EYS: variants seen among roughly 807,000 people sequenced by gnomAD.
EYS encodes the protein protein eyes shut homolog.
Under a neutral mutation model 282.1 loss-of-function variants are expected in EYS, and 250 were observed. That is an observed-to-expected ratio of 0.89 (90% CI 0.80 to 0.98). The LOEUF (loss-of-function observed/expected upper bound fraction) is 0.98, where lower values mean the gene tolerates loss of function less well. EYS is among the 50% of genes least tolerant of loss of function. The pLI is 0.00. For synonymous variants in EYS, 1,355 were observed against 1,282.9 expected, an observed-to-expected ratio of 1.06 and a Z score of -1.20; for missense variants, 4,016 against 3,709.0, an observed-to-expected ratio of 1.08 and a Z score of -2.15.
intron 31 of EYS, among the ~76,000 whole-genome samples, chr6:64,144,419 C>T (rs879660312): frequency 6.6e-6 from 1 of 152,104 alleles, no homozygotes; most frequent in Non-Finnish European, 1.5e-5. Flanking sequence ...CTTCAATAAT[C>T]TTTCTGTGTG....
At chr6:65,561,309 T>G (rs1012685356) in intron 2 of EYS, among the ~76,000 whole-genome samples, 3 of 152,180 alleles carry the variant, frequency 2.0e-5, no homozygotes, top group Non-Finnish European at 4.4e-5. Flanking sequence ...GGCAAACACT[T>G]TCCATTAACC....
At chr6:64,498,071 C>G (rs1034604656) in intron 26 of EYS, among the ~76,000 whole-genome samples, 2 of 152,098 alleles carry the variant, frequency 1.3e-5, no homozygotes, top group African/African-American at 4.8e-5. Context: ...TAGACACTTT[C>G]ATTCTCTATT....
chr6:65,684,057 A>T (rs189481919), intron 1 of EYS, among the ~76,000 whole-genome samples: 2 of 151,958 alleles, frequency 1.3e-5, no homozygotes, highest in Admixed American at 6.6e-5. Flanking sequence ...ATTAATATTC[A>T]TTGCCTTAGA....
rs189306910 is a variant in EYS, at chr6:65,327,816, T to C, written c.1766+7164A>G. ...TTTGCACTCATACACAGAATTACCA[T>C]GGGTTTGGTAGCCATAAATAAAGAC... On this transcript the variant is annotated intron_variant, in intron 11 of 42. Coordinates refer to ENST00000503581, the MANE Select transcript of EYS (RefSeq NM_001142800.2). 6.4e-4 allele frequency among the ~76,000 whole-genome samples: 97 copies of C among 151,642 alleles called. 3 individuals are homozygous for C. In the East Asian group the frequency reaches 0.017, roughly 26 times the overall value.
intron 28 of EYS, among the ~76,000 whole-genome samples, chr6:64,407,765 CTT>C (rs2150441125): frequency 6.6e-6 from 1 of 152,162 alleles, no homozygotes; most frequent in African/African-American, 2.4e-5. Flanking sequence ...GAGTTTTGCT[CTT>C]GTTGCCCAGG....
At chr6:65,018,809 T>C (rs1772145944) in intron 13 of EYS, among the ~76,000 whole-genome samples, 1 of 152,178 alleles carries the variant, frequency 6.6e-6, no homozygotes, top group Non-Finnish European at 1.5e-5. Context: ...ATGCATACCC[T>C]GTGTGCATAT....
At chr6:65,357,390 G>A (rs538359019) in intron 8 of EYS, among the ~76,000 whole-genome samples, 8 of 151,792 alleles carry the variant, frequency 5.3e-5, no homozygotes, top group Non-Finnish European at 1.0e-4. Context: ...TCTATAATAC[G>A]CATGTGCACC....
chr6:64,300,240 T>C (rs1400790138), intron 30 of EYS, among the ~76,000 whole-genome samples: 1 of 152,022 alleles, frequency 6.6e-6, no homozygotes, highest in Admixed American at 6.5e-5. Flanking sequence ...AGCTTGGTAG[T>C]GGGGAAGCTC....
chr6:64,787,641 T>C (rs1450437128), intron 22 of EYS, among the ~76,000 whole-genome samples: 4 of 150,972 alleles, frequency 2.6e-5, no homozygotes, highest in Non-Finnish European at 5.9e-5. Context: ...CTCTTTCCTG[T>C]TATCTCTTTC....
At chr6:64,774,452 A>G (rs201528641) in intron 22 of EYS, among the ~76,000 whole-genome samples, 1 of 151,938 alleles carries the variant, frequency 6.6e-6, no homozygotes, top group East Asian at 1.9e-4. Flanking sequence ...GCATAAAGGT[A>G]CCTGCTATCA....
intron 19 of EYS, among the ~76,000 whole-genome samples, chr6:64,835,541 A>G (rs773713695): frequency 6.6e-6 from 1 of 151,754 alleles, no homozygotes; most frequent in Admixed American, 6.6e-5. Context: ...TTCATTATCA[A>G]CACTCACTGA....
intron 9 of EYS, among the ~76,000 whole-genome samples, chr6:65,347,334 C>T (rs1293920099): frequency 2.0e-5 from 3 of 151,650 alleles, no homozygotes; most frequent in African/African-American, 7.3e-5. Flanking sequence ...TACTGACTTA[C>T]CTTTCAGCTT....
At chr6:65,244,679 A>AT (rs954912236) in intron 12 of EYS, among the ~76,000 whole-genome samples, 1 of 95,408 alleles carries the variant, frequency 1.0e-5, no homozygotes, top group African/African-American at 4.8e-5. Context: ...CTCCCGGGTA[A>AT]TTTTTTGTAT....
chr6:64,234,363 A>C (rs562203244), intron 30 of EYS, among the ~76,000 whole-genome samples: 49 of 152,140 alleles, frequency 3.2e-4, no homozygotes, highest in African/African-American at 1.1e-3. Context: ...TTTCACCTAA[A>C]TGTAGTTTTT....
intron 2 of EYS, among the ~76,000 whole-genome samples, chr6:65,623,935 G>T (rs1407677239): frequency 6.6e-6 from 1 of 152,172 alleles, no homozygotes; most frequent in Non-Finnish European, 1.5e-5. Context: ...TCACATGGAA[G>T]AATGTTCTGC....
intron 1 of EYS, among the ~76,000 whole-genome samples, chr6:65,697,494 T>C (rs1306359103): frequency 1.3e-5 from 2 of 152,102 alleles, no homozygotes; most frequent in African/African-American, 4.8e-5. Context: ...TTTCTAATCT[T>C]ATGAGACTCA....
chr6:64,139,100 C>T (rs1443135493), intron 31 of EYS, among the ~76,000 whole-genome samples: 2 of 151,940 alleles, frequency 1.3e-5, no homozygotes, highest in East Asian at 3.9e-4. Context: ...AGTTTTAATA[C>T]CAACTCTGAA....
chr6:64,020,567 A>G (rs1436073163), intron 33 of EYS, among the ~76,000 whole-genome samples: 1 of 152,188 alleles, frequency 6.6e-6, no homozygotes, highest in Non-Finnish European at 1.5e-5. Flanking sequence ...AGGAAAAGAA[A>G]TGGTAAAAAT....
intron 31 of EYS, among the ~76,000 whole-genome samples, chr6:64,142,692 G>T (rs1206371967): frequency 1.3e-5 from 2 of 152,228 alleles, no homozygotes; most frequent in East Asian, 3.9e-4. Flanking sequence ...ACATTGTTTG[G>T]TTAGAAAAAT....
Sources: allele counts gnomAD v4.1 joint callset (sites outside exome capture counted in the v4.1 genomes callset), GRCh38; gene constraint gnomAD v4.1.1; transcripts MANE v1.5; gene names NCBI Gene and HGNC (gene_info 2026-07-23, HGNC 2026-07-21).